PDE1C: variants seen among roughly 807,000 people sequenced by gnomAD.
The protein encoded by PDE1C is phosphodiesterase 1C, also known as dual specificity calcium/calmodulin-dependent 3',5'-cyclic nucleotide phosphodiesterase 1C.
In PDE1C, 62 loss-of-function variants were observed where a neutral mutation model predicts 93.1. The observed-to-expected ratio is 0.67, with a 90% CI of 0.54 to 0.82. PDE1C has a LOEUF of 0.82. Ranked by LOEUF, PDE1C falls within the 40% of genes least tolerant of loss-of-function variation. The pLI is 0.00. For missense variants in PDE1C, 742 were observed against 884.6 expected (o/e 0.84, Z 2.04); for synonymous variants, 325 against 310.1 (o/e 1.05, Z -0.50).
At chr7:31,722,078 A>C in the PDE1C span, among the ~76,000 whole-genome samples, 1 of 152,096 alleles carries the variant, frequency 6.6e-6, no homozygotes. Flanking sequence ...GGCTTTCTCC[A>C]GTGGACCAGC....
the PDE1C span, among the ~76,000 whole-genome samples, chr7:31,657,507 A>G: frequency 6.6e-6 from 1 of 152,210 alleles, no homozygotes; most frequent in Admixed American, 6.6e-5. Context: ...GCTTTCATAC[A>G]AGGAGATGAG....
intron 1 of PDE1C, among the ~76,000 whole-genome samples, chr7:32,059,365 G>T (rs1794522213): frequency 6.6e-6 from 1 of 152,188 alleles, no homozygotes; most frequent in Admixed American, 6.5e-5. Flanking sequence ...GTGGAAAGTA[G>T]AGAAACCTAG....
chr7:32,131,792 T>C (rs1273862052), intron 3 of PDE1C, among the ~76,000 whole-genome samples: 4 of 152,120 alleles, frequency 2.6e-5, no homozygotes, highest in Non-Finnish European at 5.9e-5. Context: ...CCTCTTTATT[T>C]ACCAAAACCA....
intron 2 of PDE1C, among the ~76,000 whole-genome samples, chr7:32,019,237 A>G (rs1024877814): frequency 6.6e-6 from 1 of 152,112 alleles, no homozygotes; most frequent in Non-Finnish European, 1.5e-5. Context: ...ACATCCTGGA[A>G]GCAGCAATGT....
rs549549729 is a variant in PDE1C, at chr7:32,110,720, C to T, written c.308+59065G>A. Reference sequence around the variant, plus strand: ...GCTTATTGGAAGATGACTTTAATTGCCTGAGAAGAAACTACAATTCTCCTT... The same window carrying T: ...GCTTATTGGAAGATGACTTTAATTGTCTGAGAAGAAACTACAATTCTCCTT... On this transcript the variant is annotated intron_variant, in intron 3 of 18. Transcript: ENST00000396193. Among the ~76,000 whole-genome samples, 128 of 152,192 alleles carry T rather than the reference C, an allele frequency of 8.4e-4. 2 individuals are homozygous for T. Among genetic ancestry groups the T allele is most frequent in the Admixed American group, 3.2e-3 (49 of 15,276 alleles).
chr7:32,214,168 C>T (rs1464957106), intron 1 of PDE1C, among the ~76,000 whole-genome samples: 1 of 151,816 alleles, frequency 6.6e-6, no homozygotes, highest in East Asian at 1.9e-4. Flanking sequence ...TTTATACATA[C>T]ACGGACACAT....
At chr7:32,058,710 G>A (rs1794429086) in intron 1 of PDE1C, among the ~76,000 whole-genome samples, 1 of 152,090 alleles carries the variant, frequency 6.6e-6, no homozygotes, top group South Asian at 2.1e-4. Flanking sequence ...ATTGCTTCCT[G>A]GCCTTTCCCA....
chr7:32,223,580 C>G (rs1397240240), intron 1 of PDE1C, among the ~76,000 whole-genome samples: 2 of 152,164 alleles, frequency 1.3e-5, no homozygotes, highest in African/African-American at 2.4e-5. Flanking sequence ...CTGACCATCC[C>G]GTCTCAAGCA....
At chr7:32,136,565 T>G (rs914341399) in intron 3 of PDE1C, among the ~76,000 whole-genome samples, 5 of 152,194 alleles carry the variant, frequency 3.3e-5, no homozygotes, top group African/African-American at 9.6e-5. Flanking sequence ...CAATAAATAT[T>G]TGCTGAAAGA....
chr7:31,759,719 T>C (rs908937775), intron 17 of PDE1C, among the ~76,000 whole-genome samples: 11 of 152,332 alleles, frequency 7.2e-5, no homozygotes, highest in Middle Eastern at 3.4e-3. Flanking sequence ...TTATGCTCCA[T>C]GTTTGATTTT....
intron 2 of PDE1C, among the ~76,000 whole-genome samples, chr7:32,204,913 C>T (rs901411371): frequency 3.9e-5 from 6 of 152,160 alleles, no homozygotes; most frequent in African/African-American, 1.4e-4. Context: ...AGACTGCAAA[C>T]CCTTTGAAGA....
At chr7:32,148,629 T>C (rs536944273) in intron 3 of PDE1C, among the ~76,000 whole-genome samples, 2 of 152,330 alleles carry the variant, frequency 1.3e-5, no homozygotes, top group East Asian at 3.9e-4. Flanking sequence ...TGTGACACTG[T>C]CCACATGTAA....
At chr7:31,829,794 T>G (rs3801352) in intron 11 of PDE1C, among the ~76,000 whole-genome samples, 20,304 of 152,150 alleles carry the variant, frequency 0.13, 1,458 homozygotes, top group African/African-American at 0.18. Context: ...TAAAAATGAT[T>G]TCCTCCTGAG....
chr7:32,194,427 T>C (rs1305425957), intron 2 of PDE1C, among the ~76,000 whole-genome samples: 4 of 152,248 alleles, frequency 2.6e-5, no homozygotes, highest in Non-Finnish European at 5.9e-5. Flanking sequence ...GATTTTTCTA[T>C]TTCTCATTTT....
chr7:32,266,901 C>T (rs1231606470), intron 1 of PDE1C, among the ~76,000 whole-genome samples: 3 of 4,376 alleles, frequency 6.9e-4, no homozygotes, highest in East Asian at 4.1e-3. Flanking sequence ...AATAAAGTGG[C>T]GGGGGCGGGG....
chr7:31,617,049 A>G, the PDE1C span, among the ~76,000 whole-genome samples: 1 of 152,200 alleles, frequency 6.6e-6, no homozygotes, highest in African/African-American at 2.4e-5. Flanking sequence ...GCACCACAGC[A>G]TGGTGGTAAA....
intron 1 of PDE1C, among the ~76,000 whole-genome samples, chr7:32,380,078 T>G (rs377306424): frequency 1.8e-4 from 28 of 152,202 alleles, no homozygotes; most frequent in African/African-American, 6.8e-4. Flanking sequence ...ACACACATTT[T>G]TTGTTTCTTC....
At chr7:32,193,532 T>C (rs1349793338) in intron 2 of PDE1C, among the ~76,000 whole-genome samples, 1 of 152,190 alleles carries the variant, frequency 6.6e-6, no homozygotes, top group Non-Finnish European at 1.5e-5. Context: ...TTGTTTTATA[T>C]ATTATTGAAT....
At chr7:32,346,531 G>C (rs976746213) in intron 1 of PDE1C, among the ~76,000 whole-genome samples, 1 of 152,224 alleles carries the variant, frequency 6.6e-6, no homozygotes, top group South Asian at 2.1e-4. Context: ...CACTCACCTT[G>C]AGACTATCTC....
Sources: gnomAD v4.1 joint callset for allele counts (sites outside exome capture counted in the v4.1 genomes callset) on GRCh38, gnomAD v4.1.1 for gene constraint, MANE v1.5 for transcripts, NCBI Gene and HGNC (gene_info 2026-07-23, HGNC 2026-07-21) for gene names.